TAF3: variants seen among roughly 807,000 people sequenced by gnomAD.
TAF3 encodes TATA-box binding protein associated factor 3.
Under a neutral mutation model 80.6 loss-of-function variants are expected in TAF3, and 7 were observed. That is an observed-to-expected ratio of 0.09 (90% CI 0.05 to 0.16). The LOEUF is 0.16. TAF3 is among the 10% of genes least tolerant of loss of function. The probability of loss-of-function intolerance (pLI) is 1.00; values close to 1 mark genes in which losing one functional copy is unlikely to be tolerated. For missense variants in TAF3, 921 were observed against 1,140.2 expected (o/e 0.81, Z 2.77); for synonymous variants, 444 against 446.1 (o/e 1.00, Z 0.06).
chr10:8,010,633 G>A (rs192641582), intron 5 of TAF3, among the ~76,000 whole-genome samples: 4 of 152,292 alleles, frequency 2.6e-5, no homozygotes, highest in African/African-American at 4.8e-5. Flanking sequence ...CCAGCTGGAC[G>A]CAGTGGCTTA....
At chr10:7,885,260 A>ACACACACACACCCCCC (rs1564356257) in intron 2 of TAF3, among the ~76,000 whole-genome samples, 2 of 151,720 alleles carry the variant, frequency 1.3e-5, no homozygotes, top group African/African-American at 2.4e-5. Flanking sequence ...ACACACACAC[A>ACACACACACACCCCCC]CACACACACA....
intron 2 of TAF3, among the ~76,000 whole-genome samples, chr10:7,941,631 C>T (rs1362100288): frequency 6.6e-6 from 1 of 152,222 alleles, no homozygotes; most frequent in Non-Finnish European, 1.5e-5. Flanking sequence ...CTTGCTGCGC[C>T]GATGCCTTCG....
chr10:7,909,846 A>G (rs1050026666), intron 2 of TAF3, among the ~76,000 whole-genome samples: 1 of 152,136 alleles, frequency 6.6e-6, no homozygotes, highest in Non-Finnish European at 1.5e-5. Flanking sequence ...GCTGGTAGTG[A>G]TGGTTACAGA....
chr10:7,963,434 C>A (rs1831530652), intron 2 of TAF3, among the ~76,000 whole-genome samples: 1 of 152,168 alleles, frequency 6.6e-6, no homozygotes, highest in Admixed American at 6.5e-5. Context: ...GGACAATGAT[C>A]AATTTGTACA....
intron 2 of TAF3, among the ~76,000 whole-genome samples, chr10:7,872,263 C>T (rs1277972413): frequency 3.5e-5 from 5 of 143,008 alleles, no homozygotes; most frequent in Non-Finnish European, 7.5e-5. Flanking sequence ...CCCGCTCCTC[C>T]GCCTTTGCAG....
At chr10:7,858,489 C>T (rs1186557987) in intron 2 of TAF3, among the ~76,000 whole-genome samples, 1 of 152,116 alleles carries the variant, frequency 6.6e-6, no homozygotes, top group Non-Finnish European at 1.5e-5. Context: ...ACTGTTTTTT[C>T]ACTAGTTCCG....
chr10:7,858,545 T>A (rs1041576907), intron 2 of TAF3, among the ~76,000 whole-genome samples: 9 of 152,246 alleles, frequency 5.9e-5, no homozygotes, highest in Admixed American at 1.3e-4. Flanking sequence ...CAGAAAAATG[T>A]CATTGATTGG....
chr10:7,943,180 C>T (rs1837992822), intron 2 of TAF3, among the ~76,000 whole-genome samples: 1 of 152,332 alleles, frequency 6.6e-6, no homozygotes, highest in East Asian at 1.9e-4. Flanking sequence ...CGGCCTCCAG[C>T]GCTGCCTTTG....
intron 4 of TAF3, among the ~76,000 whole-genome samples, chr10:7,987,516 G>T (rs1371463024): frequency 1.3e-5 from 2 of 152,002 alleles, no homozygotes; most frequent in Admixed American, 6.6e-5. Context: ...AACAAATAAA[G>T]AAACAACATC....
chr10:7,940,599 A>AT (rs1398618945), intron 2 of TAF3, among the ~76,000 whole-genome samples: 6 of 152,206 alleles, frequency 3.9e-5, no homozygotes, highest in African/African-American at 1.4e-4. Flanking sequence ...AGTTTTATGA[A>AT]GGGAATTATT....
At chr10:7,829,378 C>G (rs891842396) in intron 2 of TAF3, among the ~76,000 whole-genome samples, 1 of 152,108 alleles carries the variant, frequency 6.6e-6, no homozygotes, top group African/African-American at 2.4e-5. Flanking sequence ...ACTGGATGTC[C>G]TTTTTCTGTT....
intron 4 of TAF3, among the ~76,000 whole-genome samples, chr10:7,999,917 A>C (rs932064523): frequency 6.6e-6 from 1 of 152,236 alleles, no homozygotes; most frequent in Non-Finnish European, 1.5e-5. Flanking sequence ...TGAATTTCAC[A>C]AAATCATAGT....
intron 2 of TAF3, among the ~76,000 whole-genome samples, chr10:7,936,012 C>T (rs1464257466): frequency 6.6e-6 from 1 of 152,120 alleles, no homozygotes; most frequent in African/African-American, 2.4e-5. Flanking sequence ...GCAGCAAGTC[C>T]TGATGGAGGC....
At chr10:7,824,227 T>G (rs1015459946) in intron 1 of TAF3, 91 bp from the exon 2 acceptor site, 2 of 1,387,618 alleles carry the variant, frequency 1.4e-6, no homozygotes, top group African/African-American at 2.9e-5. Context: ...GATTCTGAGC[T>G]GCATATTTAC....
At chr10:7,943,613 T>C (rs530567577) in intron 2 of TAF3, among the ~76,000 whole-genome samples, 1 of 152,246 alleles carries the variant, frequency 6.6e-6, no homozygotes, top group Non-Finnish European at 1.5e-5. Flanking sequence ...TAAATACTTG[T>C]CATTTCCTCT....
intron 2 of TAF3, among the ~76,000 whole-genome samples, chr10:7,859,324 A>AGT (rs1448365298): frequency 6.6e-6 from 1 of 151,856 alleles, no homozygotes. Context: ...ATAAAAGAGA[A>AGT]GTGTGATGCC....
At chr10:7,900,297 G>T (rs79272456) in intron 2 of TAF3, among the ~76,000 whole-genome samples, 2,459 of 152,250 alleles carry the variant, frequency 0.016, 32 homozygotes, top group Non-Finnish European at 0.026. Context: ...GTGTTTTGTA[G>T]CAATTATTGA....
At position 7,862,002 on chromosome 10, in the gene TAF3, G is replaced by A. The variant is rs147915599; in HGVS notation, c.409+37442G>A. Among the ~76,000 whole-genome samples, 189 of 151,930 alleles carry A rather than the reference G, an allele frequency of 1.2e-3. 5 individuals carry two copies. In the East Asian group the frequency reaches 0.03, roughly 24 times the overall value. On this transcript the variant is annotated intron_variant, in intron 2 of 6. Coordinates refer to ENST00000344293, the MANE Select transcript of TAF3 (RefSeq NM_031923.4). ...ATTTTTTTCAGTCTTTATTCTGTCCGTTCTTCCAATTTGATAATTTATGTT... is the reference window on the plus strand; with the variant it reads ...ATTTTTTTCAGTCTTTATTCTGTCCATTCTTCCAATTTGATAATTTATGTT...
chr10:7,860,893 G>A (rs1837138594), intron 2 of TAF3, among the ~76,000 whole-genome samples: 1 of 149,054 alleles, frequency 6.7e-6, no homozygotes, highest in African/African-American at 2.5e-5. Flanking sequence ...TCTGCCTCCT[G>A]GGTTCAAGCA....
Sources: allele counts gnomAD v4.1 joint callset (sites outside exome capture counted in the v4.1 genomes callset), GRCh38; gene constraint gnomAD v4.1.1; transcripts MANE v1.5; gene names NCBI Gene and HGNC (gene_info 2026-07-23, HGNC 2026-07-21).